The following OR6C2 variants were observed in gnomAD, a reference collection of about 807,000 sequenced individuals.
The protein encoded by OR6C2 is olfactory receptor family 6 subfamily C member 2, also known as olfactory receptor 6C2.
For missense variants in OR6C2, 435 were observed against 365.8 expected, an observed-to-expected ratio of 1.19 and a Z score of -1.54; for synonymous variants, 146 against 134.2, an observed-to-expected ratio of 1.09 and a Z score of -0.61.
At position 55,451,489 on chromosome 12, in the gene OR6C2, A is replaced by C. The variant is rs1871470880; in HGVS notation, c.-725A>C. 2.0e-5 allele frequency: 3 copies of C among 152,096 alleles called. No individual in the cohort carries two copies. The highest frequency in any genetic ancestry group is 1.3e-4 in the Admixed American group (2 of 15,238). 9.4% of individuals were successfully genotyped at this position (152,096 alleles called of 1,614,324 possible). The stretch of plus-strand genomic sequence containing the variant: ...CTATATTTAGTGGTGTTAAATGTAG[A>C]TTTGCTTCTGGAGCTTGAAAGGAAA... On this transcript the variant is annotated 5_prime_UTR_variant, in exon 2 of 2. Coordinates refer to ENST00000641202, the MANE Select transcript of OR6C2 (RefSeq NM_054105.2).
Position 55,452,670 on chromosome 12 carries a change from A to T in OR6C2, c.457A>T (p.Ile153Phe). 2 of 1,613,724 alleles carry T rather than the reference A, an allele frequency of 1.2e-6. No individual in the cohort carries two copies. The highest frequency in any genetic ancestry group is 2.7e-5 in the African/African-American group (2 of 74,976). The change falls in exon 2 of 2, where the codon ATC (isoleucine) becomes TTC (phenylalanine). Residue 153 changes from isoleucine to phenylalanine, a missense_variant. Ile to Phe is a conservative substitution (Grantham distance 21). Transcript: ENST00000641202. ...CTGCTGTTGGGTGGCTGGCTTGATG[A>T]TCATTGTTCCACCACTTAGCTTAGG... Reference protein sequence around the residue: ...VLCCWVAGLMIIVPPLSLGLQ... With the variant: ...VLCCWVAGLMFIVPPLSLGLQ...
Position 55,452,703 on chromosome 12 carries a change from C to T in OR6C2, c.490C>T (p.Leu164Phe), listed in dbSNP as rs141584604. The change falls in exon 2 of 2, where the codon CTC becomes TTC. Residue 164 changes from leucine to phenylalanine, a missense_variant. Leu to Phe is a conservative substitution (Grantham distance 22). Transcript: ENST00000641202. Reference protein sequence around the residue: ...IVPPLSLGLQLEFCDSNAIDH... With the variant: ...IVPPLSLGLQFEFCDSNAIDH... ...TCCACCACTTAGCTTAGGCCTCCAG[C>T]TCGAATTCTGTGACTCCAATGCCAT... The T allele has an allele frequency of 2.5e-6, 4 of 1,613,698 alleles. No individual in the cohort carries two copies. The highest frequency in any genetic ancestry group is 2.7e-5 in the African/African-American group (2 of 74,878).
At chr12:55,447,325 T>G (rs1482930099) in intron 1 of OR6C2, among the ~76,000 whole-genome samples, 2 of 143,274 alleles carry the variant, frequency 1.4e-5, no homozygotes, top group Admixed American at 6.8e-5. Context: ...GTTTTTGGGT[T>G]TTTTTTTTTT....
At chr12:55,450,092 A>C (rs985682100) in intron 1 of OR6C2, among the ~76,000 whole-genome samples, 7 of 152,102 alleles carry the variant, frequency 4.6e-5, no homozygotes, top group Non-Finnish European at 7.4e-5. Flanking sequence ...CATAGGCCAG[A>C]TATAAGAGAA....
chr12:55,449,887 C>T (rs1371353220), intron 1 of OR6C2, among the ~76,000 whole-genome samples: 1 of 151,822 alleles, frequency 6.6e-6, no homozygotes. Context: ...AGCAAAATAG[C>T]ATTTGCAGAA....
In OR6C2 at chr12:55,453,035, T is replaced by C; in HGVS notation, c.822T>C (p.Val274=). The change falls in exon 2 of 2, where the codon GTT becomes GTC. Residue 274 remains valine, a synonymous_variant. Transcript: ENST00000641202. ...DEVAINKGVS[V]LTTSVAPLLN... ...TGGCCATAAATAAAGGAGTTTCAGTTCTTACTACTTCTGTCGCACCCTTGT... is the reference window on the plus strand; with the variant it reads ...TGGCCATAAATAAAGGAGTTTCAGTCCTTACTACTTCTGTCGCACCCTTGT... 6.2e-7 allele frequency: 1 copy of C among 1,613,552 alleles called. No homozygotes were observed. Among genetic ancestry groups the C allele is most frequent in the Non-Finnish European group, 8.5e-7 (1 of 1,179,658 alleles).
chr12:55,447,534 G>A (rs753059512), intron 1 of OR6C2, among the ~76,000 whole-genome samples: 4 of 151,970 alleles, frequency 2.6e-5, no homozygotes, highest in Non-Finnish European at 5.9e-5. Flanking sequence ...CTAACTCTCC[G>A]CTTCTGTGAA....
At chr12:55,447,150 G>A (rs1871378310) in intron 1 of OR6C2, among the ~76,000 whole-genome samples, 1 of 152,068 alleles carries the variant, frequency 6.6e-6, no homozygotes, top group African/African-American at 2.4e-5. Context: ...TAGTCTCATG[G>A]TCCTCACTAT....
intron 1 of OR6C2, among the ~76,000 whole-genome samples, chr12:55,448,854 A>G (rs1315694848): frequency 6.6e-6 from 1 of 151,812 alleles, no homozygotes; most frequent in Non-Finnish European, 1.5e-5. Context: ...TGATTATTCC[A>G]GGCTATGGAA....
intron 1 of OR6C2, among the ~76,000 whole-genome samples, chr12:55,449,907 GA>G (rs1871435117): frequency 6.6e-6 from 1 of 151,824 alleles, no homozygotes; most frequent in African/African-American, 2.4e-5. Flanking sequence ...ACTTTGAATT[GA>G]AAATAGTCTG....
chr12:55,446,954 A>G (rs566486257), intron 1 of OR6C2, among the ~76,000 whole-genome samples: 5 of 152,300 alleles, frequency 3.3e-5, no homozygotes, highest in Admixed American at 2.0e-4. Context: ...TTTGTCTTTA[A>G]GACCGTCAGA....
intron 1 of OR6C2, among the ~76,000 whole-genome samples, chr12:55,444,697 G>C (rs1044144778): frequency 6.6e-6 from 1 of 152,116 alleles, no homozygotes; most frequent in East Asian, 1.9e-4. Flanking sequence ...CTTTTTCCTA[G>C]TGTGTGTTCA....
chr12:55,452,417 A>G lies in OR6C2; in HGVS notation c.204A>G (p.Glu68=). ...TTCTCAGAAATTTTTCCTTCTTAGA[A>G]GTCTCATTTACTACAGTCTGCATTC... ...YFFLRNFSFL[E]VSFTTVCIPR... The change falls in exon 2 of 2, where the codon GAA becomes GAG. Residue 68 remains glutamate, a synonymous_variant. Transcript: ENST00000641202. The G allele has an allele frequency of 6.2e-7, 1 of 1,613,540 alleles. No individual in the cohort carries two copies. Among genetic ancestry groups the G allele is most frequent in the Non-Finnish European group, 8.5e-7 (1 of 1,179,646 alleles).
chr12:55,452,778 G>A lies in OR6C2; in HGVS notation c.565G>A (p.Asp189Asn). The A allele has an allele frequency of 6.2e-7, 1 of 1,613,812 alleles. No homozygotes were observed. The highest frequency in any genetic ancestry group is 8.5e-7 in the Non-Finnish European group (1 of 1,179,814). ...TCCTCTCCTAAAGATCTCATGCTCA[G>A]ATACATGGGTAATAGAACAGATGGT... Reference protein sequence around the residue: ...AGPLLKISCSDTWVIEQMVIL... With the variant: ...AGPLLKISCSNTWVIEQMVIL... Residue 189 changes from aspartate (D) to asparagine (N), a missense_variant, in exon 2 of 2, where the codon GAT (aspartate) becomes AAT (asparagine). Asp to Asn is a conservative substitution (Grantham distance 23). Coordinates refer to ENST00000641202, the MANE Select transcript of OR6C2 (RefSeq NM_054105.2).
chr12:55,447,259 C>T (rs1871380303), intron 1 of OR6C2, among the ~76,000 whole-genome samples: 1 of 151,986 alleles, frequency 6.6e-6, no homozygotes, highest in African/African-American at 2.4e-5. Context: ...TAAACATATC[C>T]ATCACTCCTC....
chr12:55,448,548 A>G (rs917578741), intron 1 of OR6C2, among the ~76,000 whole-genome samples: 2 of 148,508 alleles, frequency 1.3e-5, no homozygotes, highest in African/African-American at 4.9e-5. Context: ...AATCACCAAA[A>G]AAGACAGGAT....
rs911062481 is a variant in OR6C2, at chr12:55,451,410, C to A, written c.-804C>A. 6.6e-6 allele frequency: 1 copy of A among 151,836 alleles called. No homozygotes were observed. Among genetic ancestry groups the A allele is most frequent in the Non-Finnish European group, 1.5e-5 (1 of 67,946 alleles). The allele number at this position is 151,836 out of a possible 1,614,324, so 9.4% of individuals were successfully genotyped here. On this transcript the variant is annotated 5_prime_UTR_variant, in exon 2 of 2. Coordinates refer to ENST00000641202, the MANE Select transcript of OR6C2 (RefSeq NM_054105.2). Reference sequence around the variant, plus strand: ...GATGTCACGAATAAGTGAGAACATACGATGTCTTTCTAAAGGACCTAAAGA... The same window carrying A: ...GATGTCACGAATAAGTGAGAACATAAGATGTCTTTCTAAAGGACCTAAAGA...
Position 55,453,162 on chromosome 12 carries a change from T to A in OR6C2, c.*10T>A. On this transcript the variant is annotated 3_prime_UTR_variant, in exon 2 of 2. Coordinates refer to ENST00000641202, the MANE Select transcript of OR6C2 (RefSeq NM_054105.2). ...TCTCTCAAAGAAGTAGAAGCTGTGA[T>A]GAATTGGCATAAAGTGAATGAAGAA... 3 of 1,595,072 alleles carry A rather than the reference T, an allele frequency of 1.9e-6. No homozygotes were observed. The highest frequency in any genetic ancestry group is 2.6e-6 in the Non-Finnish European group (3 of 1,165,514).
intron 1 of OR6C2, among the ~76,000 whole-genome samples, chr12:55,451,055 ATGT>A (rs1315347773): frequency 5.1e-5 from 3 of 59,096 alleles, no homozygotes; most frequent in Non-Finnish European, 1.1e-4. Context: ...TACATAGCAA[ATGT>A]ATGTATTTAT....
Sources: allele counts gnomAD v4.1 joint callset (sites outside exome capture counted in the v4.1 genomes callset), GRCh38; gene constraint gnomAD v4.1.1; transcripts MANE v1.5; gene names NCBI Gene and HGNC (gene_info 2026-07-23, HGNC 2026-07-21).